The following LRRC4C variants were observed in gnomAD, a reference collection of about 807,000 sequenced individuals.
LRRC4C encodes the protein leucine-rich repeat-containing protein 4C.
A neutral mutation model predicts 33.6 loss-of-function variants in LRRC4C; 5 were observed. That is an observed-to-expected ratio of 0.15 (90% CI 0.08 to 0.31). LRRC4C has a LOEUF of 0.31. LRRC4C is among the 10% of genes least tolerant of loss of function. The probability of loss-of-function intolerance (pLI) is 1.00; values close to 1 mark genes in which losing one functional copy is unlikely to be tolerated. For synonymous variants in LRRC4C, 329 were observed against 302.0 expected (o/e 1.09, Z -0.93); for missense variants, 560 against 796.7 (o/e 0.70, Z 3.58).
intron 3 of LRRC4C, among the ~76,000 whole-genome samples, chr11:40,533,797 G>T (rs2135332366): frequency 6.6e-6 from 1 of 152,224 alleles, no homozygotes; most frequent in East Asian, 1.9e-4. Flanking sequence ...CATAAGTTGA[G>T]GAACCAGTAG....
chr11:41,246,099 CT>C (rs1268534615), intron 1 of LRRC4C, among the ~76,000 whole-genome samples: 3 of 152,154 alleles, frequency 2.0e-5, no homozygotes, highest in East Asian at 3.9e-4. Flanking sequence ...CCCTTACCCC[CT>C]GGAGCCTGTC....
intron 2 of LRRC4C, among the ~76,000 whole-genome samples, chr11:40,865,473 C>T (rs527829771): frequency 3.3e-5 from 5 of 150,682 alleles, no homozygotes; most frequent in African/African-American, 1.2e-4. Context: ...TGAGGCAAGG[C>T]ATATGCTCAT....
chr11:40,495,781 A>T (rs1271754847), intron 3 of LRRC4C, among the ~76,000 whole-genome samples: 1 of 140,196 alleles, frequency 7.1e-6, no homozygotes, highest in East Asian at 2.1e-4. Context: ...AGAACTTGGG[A>T]CATCGATTTT....
intron 2 of LRRC4C, among the ~76,000 whole-genome samples, chr11:40,885,054 T>C (rs1393553433): frequency 2.0e-5 from 3 of 152,002 alleles, no homozygotes; most frequent in Non-Finnish European, 4.4e-5. Context: ...GGGTTCTGGT[T>C]ACACTAAAAG....
At chr11:41,128,253 TC>T (rs779423487) in intron 1 of LRRC4C, among the ~76,000 whole-genome samples, 30 of 147,328 alleles carry the variant, frequency 2.0e-4, no homozygotes, top group Admixed American at 8.4e-4. Flanking sequence ...AAGTGGAGAA[TC>T]TGTCATACCT....
chr11:40,636,716 A>G (rs1036303269), intron 3 of LRRC4C, among the ~76,000 whole-genome samples: 2 of 152,146 alleles, frequency 1.3e-5, no homozygotes, highest in Admixed American at 6.5e-5. Context: ...CAGTGGAAAT[A>G]AGATCTCATG....
chr11:40,498,001 C>T (rs998497701), intron 3 of LRRC4C, among the ~76,000 whole-genome samples: 20 of 152,266 alleles, frequency 1.3e-4, no homozygotes, highest in African/African-American at 4.8e-4. Context: ...ACTCTTAACA[C>T]TTATGTAAAT....
chr11:41,332,870 T>C (rs181912445), intron 1 of LRRC4C, among the ~76,000 whole-genome samples: 1 of 152,280 alleles, frequency 6.6e-6, no homozygotes, highest in Admixed American at 6.5e-5. Flanking sequence ...ACTACATGAA[T>C]AAAAAGTCCA....
rs1038136251 is a variant in LRRC4C at position 40,753,965 on chromosome 11, A to T, written c.-406-105687T>A. On this transcript the variant is annotated intron_variant, in intron 2 of 6. Coordinates refer to ENST00000528697, the MANE Select transcript of LRRC4C (RefSeq NM_001258419.2). ...ATGTATATATAAACATGGTGTACAC[A>T]ATATATATATATTCACTGTATATAT... Among the ~76,000 whole-genome samples the T allele has an allele frequency of 2.0e-5, 3 of 151,598 alleles. No individual in the cohort carries two copies. In the East Asian group the frequency reaches 5.8e-4, roughly 29 times the overall value.
intron 5 of LRRC4C, among the ~76,000 whole-genome samples, chr11:40,155,725 CAA>C (rs200279956): frequency 6.6e-6 from 1 of 151,616 alleles, no homozygotes; most frequent in Admixed American, 6.6e-5. Context: ...ATATTACCAA[CAA>C]AAAAAAGTCC....
chr11:40,764,443 G>T (rs901960427), intron 2 of LRRC4C, among the ~76,000 whole-genome samples: 3 of 152,116 alleles, frequency 2.0e-5, no homozygotes, highest in Non-Finnish European at 2.9e-5. Flanking sequence ...CTCAGCCACA[G>T]TAGATAGAAC....
At chr11:41,106,975 G>T (rs75079342) in intron 1 of LRRC4C, among the ~76,000 whole-genome samples, 2 of 151,410 alleles carry the variant, frequency 1.3e-5, no homozygotes, top group African/African-American at 4.9e-5. Flanking sequence ...ATTGCACCAT[G>T]TACTCTAGCT....
At chr11:40,768,216 GA>G (rs574736005) in intron 2 of LRRC4C, among the ~76,000 whole-genome samples, 4 of 151,770 alleles carry the variant, frequency 2.6e-5, no homozygotes, top group African/African-American at 9.7e-5. Context: ...GAAAAGCCTA[GA>G]AAAAATGGAT....
intron 3 of LRRC4C, among the ~76,000 whole-genome samples, chr11:40,402,439 A>T (rs1949795771): frequency 6.6e-6 from 1 of 152,114 alleles, no homozygotes; most frequent in African/African-American, 2.4e-5. Flanking sequence ...ACTAAGACTC[A>T]TGACTACAGA....
At chr11:40,409,732 C>A (rs181788064) in intron 3 of LRRC4C, among the ~76,000 whole-genome samples, 1 of 151,920 alleles carries the variant, frequency 6.6e-6, no homozygotes, top group Admixed American at 6.6e-5. Context: ...ATGAAAATAA[C>A]ACGGTTTAGA....
intron 1 of LRRC4C, among the ~76,000 whole-genome samples, chr11:41,162,040 C>T (rs7952682): frequency 0.079 from 12,082 of 152,184 alleles, 490 homozygotes; most frequent in Middle Eastern, 0.12. Flanking sequence ...GCTTATCTGG[C>T]GCCATTTATC....
At position 41,236,504 on chromosome 11, in the gene LRRC4C, T is replaced by C. The variant is rs563113992; in HGVS notation, c.-496+222927A>G. Among the ~76,000 whole-genome samples the C allele has an allele frequency of 1.7e-4, 26 of 152,100 alleles. 1 individual carries two copies. In the South Asian group the frequency reaches 5.2e-3, roughly 30 times the overall value. On this transcript the variant is annotated intron_variant, in intron 1 of 6. Transcript: ENST00000528697. ...AAAAAGGATTTGTGAAAGTTTATAA[T>C]GCTCTCATGAGCTAATAAAAAAGAA...
intron 1 of LRRC4C, among the ~76,000 whole-genome samples, chr11:41,112,760 T>C (rs1004783041): frequency 1.2e-4 from 18 of 152,100 alleles, no homozygotes; most frequent in Non-Finnish European, 2.2e-4. Context: ...AGATTTATTT[T>C]TCAAATCTGA....
intron 1 of LRRC4C, among the ~76,000 whole-genome samples, chr11:41,438,292 T>C (rs2138500396): frequency 6.6e-6 from 1 of 152,180 alleles, no homozygotes; most frequent in African/African-American, 2.4e-5. Flanking sequence ...AGGAACTGAC[T>C]AGACACTAGA....
Sources: gnomAD v4.1 joint callset for allele counts (sites outside exome capture counted in the v4.1 genomes callset) on GRCh38, gnomAD v4.1.1 for gene constraint, MANE v1.5 for transcripts, NCBI Gene and HGNC (gene_info 2026-07-23, HGNC 2026-07-21) for gene names.